Variants in SUMF1 observed in about 807,000 individuals in gnomAD.
The protein encoded by SUMF1 is sulfatase modifying factor 1.
Under a neutral mutation model 47.6 loss-of-function variants are expected in SUMF1, and 48 were observed. The ratio of observed to expected loss-of-function variants is 1.01; its 90% CI spans 0.80 to 1.28. The LOEUF is 1.28. SUMF1 is among the 50% of genes most tolerant of loss of function. SUMF1 has a pLI of 0.00. For missense variants in SUMF1, 571 were observed against 485.4 expected, an observed-to-expected ratio of 1.18 and a Z score of -1.66; for synonymous variants, 230 against 192.1, an observed-to-expected ratio of 1.20 and a Z score of -1.63.
At chr3:4,227,805 G>T (rs114295882) in intron 8 of SUMF1, among the ~76,000 whole-genome samples, 393 of 152,244 alleles carry the variant, frequency 2.6e-3, no homozygotes, top group African/African-American at 7.8e-3. Context: ...AGTCATGCTT[G>T]AGGTCAGCTC....
chr3:4,308,550 A>G (rs1464899872), intron 8 of SUMF1, among the ~76,000 whole-genome samples: 1 of 152,246 alleles, frequency 6.6e-6, no homozygotes, highest in Non-Finnish European at 1.5e-5. Flanking sequence ...AAATTTCATG[A>G]TAGCCACCCC....
At chr3:4,246,941 T>C (rs1269156907) in intron 8 of SUMF1, among the ~76,000 whole-genome samples, 1 of 152,226 alleles carries the variant, frequency 6.6e-6, no homozygotes, top group Non-Finnish European at 1.5e-5. Context: ...TGGGTATGTT[T>C]AGCCAGTTTT....
chr3:4,123,827 A>G (rs954855685), intron 8 of SUMF1, among the ~76,000 whole-genome samples: 5 of 152,122 alleles, frequency 3.3e-5, no homozygotes, highest in African/African-American at 9.7e-5. Context: ...TATGATATAT[A>G]TGGGGGCAGA....
intron 8 of SUMF1, among the ~76,000 whole-genome samples, chr3:4,368,397 A>T (rs1322866683): frequency 6.6e-6 from 1 of 152,238 alleles, no homozygotes; most frequent in Non-Finnish European, 1.5e-5. Flanking sequence ...TGGGACTGTA[A>T]ACTAGTTCAA....
At chr3:4,068,625 G>C (rs759082253) in exon 9 of SUMF1, 2 of 437,226 alleles carry the variant, frequency 4.6e-6, no homozygotes, top group Non-Finnish European at 4.6e-6. Flanking sequence ...GCATATTGCT[G>C]ATGCCTACGT....
intron 9 of SUMF1, among the ~76,000 whole-genome samples, chr3:4,060,205 A>G (rs59109737): frequency 0.035 from 5,379 of 152,316 alleles, 333 homozygotes; most frequent in African/African-American, 0.12. Context: ...CTAAAGTGAT[A>G]GAGATTAGCG....
At chr3:4,134,151 T>G (rs146666162) in intron 8 of SUMF1, among the ~76,000 whole-genome samples, 4,667 of 152,146 alleles carry the variant, frequency 0.031, 265 homozygotes, top group African/African-American at 0.11. Context: ...CCACCACATA[T>G]CAACAGAATA....
chr3:4,113,527 G>C (rs765407234), intron 8 of SUMF1, among the ~76,000 whole-genome samples: 35 of 151,600 alleles, frequency 2.3e-4, no homozygotes, highest in African/African-American at 8.0e-4. Flanking sequence ...CCCTGTCACC[G>C]CCCCCCACCC....
At chr3:4,197,942 A>T (rs1257729655) in intron 8 of SUMF1, among the ~76,000 whole-genome samples, 4 of 152,018 alleles carry the variant, frequency 2.6e-5, no homozygotes, top group African/African-American at 9.7e-5. Context: ...TACAATGAAC[A>T]GGGTAATCTT....
intron 8 of SUMF1, among the ~76,000 whole-genome samples, chr3:4,233,389 CT>C (rs1217986655): frequency 1.3e-5 from 2 of 151,984 alleles, no homozygotes; most frequent in African/African-American, 4.8e-5. Flanking sequence ...GGGCCATTTT[CT>C]TTTTTTATGA....
At chr3:4,074,907 C>T (rs556264761) in intron 8 of SUMF1, among the ~76,000 whole-genome samples, 1 of 152,112 alleles carries the variant, frequency 6.6e-6, no homozygotes, top group Admixed American at 6.5e-5. Context: ...CCAAATTCCA[C>T]CAGACGTACA....
At position 4,036,975 on chromosome 3, in the gene SUMF1, A is replaced by G. The variant is rs542938526; in HGVS notation, c.1191+31594T>C. On this transcript the variant is annotated intron_variant and NMD_transcript_variant, in intron 9 of 12. Transcript: ENST00000448413. Reference sequence around the variant, plus strand: ...ACACTTTGGGGGCTTCAGAGTATGAAGATGACCAGGTTCCAAGATATACAC... The same window carrying G: ...ACACTTTGGGGGCTTCAGAGTATGAGGATGACCAGGTTCCAAGATATACAC... Among the ~76,000 whole-genome samples, 15 of 152,180 alleles carry G rather than the reference A, an allele frequency of 9.9e-5. No individual in the cohort carries two copies. The East Asian group carries it at 2.5e-3, about 26-fold the overall frequency.
intron 9 of SUMF1, among the ~76,000 whole-genome samples, chr3:4,057,851 G>A (rs76209486): frequency 0.047 from 7,156 of 152,150 alleles, 598 homozygotes; most frequent in African/African-American, 0.16. Context: ...CTTGTCTCAA[G>A]TTAACAAAAA....
intron 8 of SUMF1, among the ~76,000 whole-genome samples, chr3:4,090,251 C>G (rs984322411): frequency 6.6e-6 from 1 of 152,068 alleles, no homozygotes; most frequent in South Asian, 2.1e-4. Flanking sequence ...ATTTCCTAAC[C>G]CAGGTCCACT....
At chr3:4,312,759 T>G in intron 8 of SUMF1, 1 of 828,900 alleles carries the variant, frequency 1.2e-6, no homozygotes, top group Admixed American at 3.0e-5. Flanking sequence ...GGACAATATC[T>G]TAGTATGCTG....
chr3:4,078,940 C>T (rs1329953817), intron 8 of SUMF1, among the ~76,000 whole-genome samples: 2 of 151,934 alleles, frequency 1.3e-5, no homozygotes, highest in South Asian at 2.1e-4. Context: ...TTGAAGAAGT[C>T]GCTGCAGAAG....
chr3:4,047,964 C>T (rs566448662), intron 9 of SUMF1, among the ~76,000 whole-genome samples: 1 of 152,192 alleles, frequency 6.6e-6, no homozygotes, highest in East Asian at 1.9e-4. Context: ...ATATTATCCT[C>T]ATTTTATGGA....
intron 8 of SUMF1, among the ~76,000 whole-genome samples, chr3:4,088,257 G>T (rs1441831167): frequency 6.6e-6 from 1 of 152,026 alleles, no homozygotes; most frequent in Non-Finnish European, 1.5e-5. Flanking sequence ...GGTAAGACCA[G>T]TCTGCTTTTT....
chr3:4,333,608 G>A (rs1699090404), intron 8 of SUMF1, among the ~76,000 whole-genome samples: 1 of 152,150 alleles, frequency 6.6e-6, no homozygotes, highest in Non-Finnish European at 1.5e-5. Flanking sequence ...ACAGTACAAT[G>A]CTTCCACAGT....
Sources: gnomAD v4.1 joint callset for allele counts (sites outside exome capture counted in the v4.1 genomes callset) on GRCh38, gnomAD v4.1.1 for gene constraint, MANE v1.5 for transcripts, NCBI Gene and HGNC (gene_info 2026-07-23, HGNC 2026-07-21) for gene names.